GAS7: variants seen among roughly 807,000 people sequenced by gnomAD.
GAS7 encodes growth arrest specific 7.
GAS7 carries 28 observed loss-of-function variants against 71.1 expected under a neutral mutation model. That is an observed-to-expected ratio of 0.39 (90% CI 0.29 to 0.54). The LOEUF (loss-of-function observed/expected upper bound fraction) is 0.54, where lower values mean the gene tolerates loss of function less well. Among genes scored for constraint, GAS7 ranks in the 20% least tolerant of loss-of-function variants. The probability of loss-of-function intolerance (pLI) is 0.62; values close to 1 mark genes in which losing one functional copy is unlikely to be tolerated. For synonymous variants in GAS7, 258 were observed against 245.8 expected (o/e 1.05, Z -0.46); for missense variants, 436 against 627.8 (o/e 0.69, Z 3.27).
At chr17:10,134,171 C>G (rs528368279) in intron 1 of GAS7, among the ~76,000 whole-genome samples, 67 of 152,122 alleles carry the variant, frequency 4.4e-4, no homozygotes, top group Non-Finnish European at 9.3e-4. Flanking sequence ...GCTGGGACTA[C>G]AGGCACCATC....
At chr17:10,124,249 A>C (rs2157697) in intron 1 of GAS7, among the ~76,000 whole-genome samples, 94,286 of 152,034 alleles carry the variant, frequency 0.62, 29,536 homozygotes, top group East Asian at 0.83. Flanking sequence ...TGGAAATGAC[A>C]GTCCAGAGCC....
chr17:10,160,774 G>C (rs911430241), intron 1 of GAS7, among the ~76,000 whole-genome samples: 1 of 152,132 alleles, frequency 6.6e-6, no homozygotes, highest in Non-Finnish European at 1.5e-5. Flanking sequence ...GCTTCACACA[G>C]GCAAAATCAT....
Position 10,044,565 on chromosome 17 carries a change from G to A in GAS7, c.184-24668C>T, listed in dbSNP as rs192646110. Among the ~76,000 whole-genome samples the A allele has an allele frequency of 2.2e-3, 334 of 152,154 alleles. 1 individual carries two copies. The highest frequency in any genetic ancestry group is 7.1e-3 in the African/African-American group (296 of 41,510). On this transcript the variant is annotated intron_variant, in intron 1 of 13. Transcript: ENST00000432992. Reference sequence around the variant, plus strand: ...TGGTAGTAAATGATAAACTAGTATCGAATATATTTTATGTATTCACGGCAT... The same window carrying A: ...TGGTAGTAAATGATAAACTAGTATCAAATATATTTTATGTATTCACGGCAT...
chr17:10,053,628 G>C (rs1682632742), intron 1 of GAS7, among the ~76,000 whole-genome samples: 2 of 152,038 alleles, frequency 1.3e-5, no homozygotes, highest in African/African-American at 4.8e-5. Context: ...GGCATCTGTG[G>C]AGCCCACAGA....
intron 1 of GAS7, chr17:10,039,820 G>A (rs1028676411): frequency 4.2e-5 from 19 of 449,932 alleles, no homozygotes; most frequent in South Asian, 9.4e-5. Context: ...GGGATTTTCC[G>A]TTTAGGGGTG....
At chr17:10,113,357 C>T (rs1441809877) in intron 1 of GAS7, among the ~76,000 whole-genome samples, 1 of 152,174 alleles carries the variant, frequency 6.6e-6, no homozygotes, top group Non-Finnish European at 1.5e-5. Context: ...GAGACCCTCA[C>T]CCACGTGCAG....
intron 1 of GAS7, among the ~76,000 whole-genome samples, chr17:10,052,679 G>A (rs1329812297): frequency 6.6e-6 from 1 of 152,202 alleles, no homozygotes; most frequent in African/African-American, 2.4e-5. Context: ...CTCACGCTCA[G>A]TCACCAGAAA....
intron 2 of GAS7, among the ~76,000 whole-genome samples, chr17:10,001,154 T>C (rs759647691): frequency 6.6e-6 from 1 of 151,826 alleles, no homozygotes; most frequent in Non-Finnish European, 1.5e-5. Flanking sequence ...AACTAGAAGA[T>C]TCGAGCAGGA....
At position 10,138,319 on chromosome 17, in the gene GAS7, T is replaced by C. The variant is rs371500526; in HGVS notation, c.183+59889A>G. Reference sequence around the variant, plus strand: ...AAATAAATGTAAAGGAAGGACTTCTTAACTCATGATTATCCTTCCAACTCC... The same window carrying C: ...AAATAAATGTAAAGGAAGGACTTCTCAACTCATGATTATCCTTCCAACTCC... On this transcript the variant is annotated intron_variant, in intron 1 of 13. Coordinates refer to ENST00000432992, the MANE Select transcript of GAS7 (RefSeq NM_201433.2). 3.3e-5 allele frequency among the ~76,000 whole-genome samples: 5 copies of C among 152,310 alleles called. No homozygotes were observed. The East Asian group carries it at 5.8e-4, about 18-fold the overall frequency.
At chr17:9,927,286 T>TACACACACACACAC (rs1471466286) in intron 9 of GAS7, among the ~76,000 whole-genome samples, 1 of 68,736 alleles carries the variant, frequency 1.5e-5, no homozygotes, top group Admixed American at 1.5e-4. Context: ...CCATCTCTAC[T>TACACACACACACAC]ACATACACAC....
chr17:10,099,825 C>T (rs993027076), intron 1 of GAS7, among the ~76,000 whole-genome samples: 1 of 152,188 alleles, frequency 6.6e-6, no homozygotes, highest in Non-Finnish European at 1.5e-5. Context: ...TATTCAAAAC[C>T]TAAGAGTGTA....
chr17:10,057,621 AG>A (rs1354404244), intron 1 of GAS7, among the ~76,000 whole-genome samples: 1 of 149,074 alleles, frequency 6.7e-6, no homozygotes, highest in African/African-American at 2.5e-5. Context: ...CCCGTCTGGG[AG>A]GGAGGTGGGG....
intron 1 of GAS7, among the ~76,000 whole-genome samples, chr17:10,045,435 G>A (rs549997499): frequency 1.3e-4 from 20 of 152,240 alleles, no homozygotes; most frequent in African/African-American, 2.2e-4. Flanking sequence ...GGTGGCTCAC[G>A]CCTGTAATCC....
At chr17:10,156,714 A>AGCAGGCTGCAGGCT (rs904531421) in intron 1 of GAS7, among the ~76,000 whole-genome samples, 15 of 152,110 alleles carry the variant, frequency 9.9e-5, no homozygotes, top group Non-Finnish European at 1.8e-4. Flanking sequence ...GTTCCCTCCT[A>AGCAGGCTGCAGGCT]GCAGGCTGCA....
chr17:10,072,370 C>T (rs1029466312), intron 1 of GAS7, among the ~76,000 whole-genome samples: 22 of 152,202 alleles, frequency 1.4e-4, no homozygotes, highest in Non-Finnish European at 3.1e-4. Context: ...ACTTAGTCCA[C>T]TCCACAATGT....
At chr17:10,095,759 T>C (rs542712155) in intron 1 of GAS7, among the ~76,000 whole-genome samples, 6 of 147,844 alleles carry the variant, frequency 4.1e-5, no homozygotes, top group African/African-American at 1.5e-4. Context: ...GCTGAGATCA[T>C]GCCACTGCAC....
intron 1 of GAS7, among the ~76,000 whole-genome samples, chr17:10,144,920 G>A (rs2074110195): frequency 6.6e-6 from 1 of 152,194 alleles, no homozygotes; most frequent in African/African-American, 2.4e-5. Flanking sequence ...AGGTACAACA[G>A]GCCAGATCAA....
chr17:10,099,948 G>C (rs1040218215), intron 1 of GAS7, among the ~76,000 whole-genome samples: 5 of 152,154 alleles, frequency 3.3e-5, no homozygotes, highest in African/African-American at 1.2e-4. Context: ...TGTCCTAATG[G>C]GTTCAAGAAA....
At chr17:10,061,779 T>C (rs1489478633) in intron 1 of GAS7, among the ~76,000 whole-genome samples, 1 of 152,016 alleles carries the variant, frequency 6.6e-6, no homozygotes, top group African/African-American at 2.4e-5. Context: ...GTGCTGGGCG[T>C]TCCCACTCCC....
Sources: gnomAD v4.1 joint callset for allele counts (sites outside exome capture counted in the v4.1 genomes callset) on GRCh38, gnomAD v4.1.1 for gene constraint, MANE v1.5 for transcripts, NCBI Gene and HGNC (gene_info 2026-07-23, HGNC 2026-07-21) for gene names.